Variants in C12orf42 observed in about 807,000 individuals in gnomAD.
The protein encoded by C12orf42 is uncharacterized protein C12orf42.
A neutral mutation model predicts 21.6 loss-of-function variants in C12orf42; 25 were observed. The ratio of observed to expected loss-of-function variants is 1.16; its 90% CI spans 0.84 to 1.62. C12orf42 has a LOEUF of 1.62. Ranked by LOEUF, C12orf42 falls within the 40% of genes most tolerant of loss-of-function variation. The probability of loss-of-function intolerance (pLI) is 0.00; values close to 1 mark genes in which losing one functional copy is unlikely to be tolerated. For missense variants in C12orf42, 483 were observed against 459.3 expected (o/e 1.05, Z -0.47); for synonymous variants, 174 against 175.0 (o/e 0.99, Z 0.05).
chr12:103,476,585 G>A (rs1415851409), intron 2 of C12orf42, among the ~76,000 whole-genome samples: 1 of 152,222 alleles, frequency 6.6e-6, no homozygotes, highest in Non-Finnish European at 1.5e-5. Context: ...AAACCACTTG[G>A]TGGGAATGGA....
At chr12:103,482,136 T>C (rs1199384116) in intron 1 of C12orf42, among the ~76,000 whole-genome samples, 1 of 152,146 alleles carries the variant, frequency 6.6e-6, no homozygotes, top group Non-Finnish European at 1.5e-5. Flanking sequence ...TTTATGCACA[T>C]ACTTATCAAT....
the C12orf42 span, among the ~76,000 whole-genome samples, chr12:103,101,793 G>C: frequency 6.6e-6 from 1 of 152,212 alleles, no homozygotes; most frequent in Admixed American, 6.5e-5. Context: ...GGTTCAACAA[G>C]GTGGTTGTTC....
chr12:103,480,193 TA>T (rs1454942421), intron 1 of C12orf42, among the ~76,000 whole-genome samples: 3 of 151,918 alleles, frequency 2.0e-5, no homozygotes, highest in African/African-American at 7.2e-5. Context: ...TAAATTATTT[TA>T]TTTCCTAGAT....
At chr12:103,540,530 C>T in the C12orf42 span, among the ~76,000 whole-genome samples, 1 of 152,082 alleles carries the variant, frequency 6.6e-6, no homozygotes, top group Admixed American at 6.6e-5. Context: ...CACATTGAGC[C>T]GTTTCTTGTT....
chr12:103,469,294 A>T (rs1279251174), intron 2 of C12orf42, among the ~76,000 whole-genome samples: 7 of 152,230 alleles, frequency 4.6e-5, no homozygotes, highest in African/African-American at 1.7e-4. Context: ...ATGTGTAAAA[A>T]CATACATCAA....
At chr12:103,199,304 T>C in the C12orf42 span, among the ~76,000 whole-genome samples, 22 of 151,970 alleles carry the variant, frequency 1.4e-4, no homozygotes, top group African/African-American at 5.3e-4. Flanking sequence ...GACCTAAAAA[T>C]CAACTCAAAA....
chr12:103,113,652 C>T, the C12orf42 span, among the ~76,000 whole-genome samples: 1 of 152,058 alleles, frequency 6.6e-6, no homozygotes, highest in African/African-American at 2.4e-5. Flanking sequence ...ACCTCCTGAC[C>T]CCACCAACAA....
chr12:103,431,187 C>G (rs947091724), intron 2 of C12orf42: 2 of 152,122 alleles, frequency 1.3e-5, no homozygotes, highest in Non-Finnish European at 2.9e-5. Flanking sequence ...GCTGGAGTCT[C>G]CACAGATAAT....
the C12orf42 span, chr12:103,156,265 A>T: frequency 1.8e-4 from 27 of 152,242 alleles, 1 homozygote; most frequent in Admixed American, 7.9e-4. Context: ...TTATTTATTT[A>T]AAGGCGAAAA....
intron 2 of C12orf42, among the ~76,000 whole-genome samples, chr12:103,406,176 T>G (rs1213640394): frequency 6.6e-6 from 1 of 152,196 alleles, no homozygotes; most frequent in Non-Finnish European, 1.5e-5. Context: ...GCTTCTTACA[T>G]TTTACTGTAC....
At chr12:103,501,105 G>A in the C12orf42 span, among the ~76,000 whole-genome samples, 1 of 152,216 alleles carries the variant, frequency 6.6e-6, no homozygotes, top group Non-Finnish European at 1.5e-5. Context: ...CCTTGAAGTT[G>A]ATAAAGTCAC....
At chr12:103,321,105 A>G (rs1172926671) in intron 4 of C12orf42, among the ~76,000 whole-genome samples, 1 of 152,154 alleles carries the variant, frequency 6.6e-6, no homozygotes, top group Non-Finnish European at 1.5e-5. Flanking sequence ...AAATTTTTGC[A>G]ACCTACTCAT....
chr12:103,382,605 A>G (rs2046279369), intron 3 of C12orf42, among the ~76,000 whole-genome samples: 1 of 152,248 alleles, frequency 6.6e-6, no homozygotes, highest in Admixed American at 6.5e-5. Flanking sequence ...GTTTAAATCA[A>G]CGCACCAAAT....
chr12:103,221,092 G>C, the C12orf42 span, among the ~76,000 whole-genome samples: 2 of 152,148 alleles, frequency 1.3e-5, no homozygotes, highest in African/African-American at 4.8e-5. Context: ...AAACGATTCA[G>C]GAAATACTTG....
chr12:103,388,051 C>A (rs1391692672), intron 3 of C12orf42, among the ~76,000 whole-genome samples: 1 of 152,060 alleles, frequency 6.6e-6, no homozygotes, highest in Non-Finnish European at 1.5e-5. Context: ...GAATTTAAAC[C>A]CAATTATTTC....
chr12:103,551,076 C>A, the C12orf42 span, among the ~76,000 whole-genome samples: 1 of 151,914 alleles, frequency 6.6e-6, no homozygotes, highest in Non-Finnish European at 1.5e-5. Flanking sequence ...ATTTTTATTA[C>A]AGTATGATGT....
intron 4 of C12orf42, among the ~76,000 whole-genome samples, chr12:103,316,466 A>G (rs1024550394): frequency 1.3e-5 from 2 of 152,136 alleles, no homozygotes. Flanking sequence ...TTTTGGGGAA[A>G]GGGAAAATAA....
At chr12:103,066,923 A>C in the C12orf42 span, among the ~76,000 whole-genome samples, 1 of 152,278 alleles carries the variant, frequency 6.6e-6, no homozygotes, top group South Asian at 2.1e-4. Flanking sequence ...AATCACCCCT[A>C]TCATTGCCCA....
intron 10 of C12orf42, among the ~76,000 whole-genome samples, chr12:103,247,567 G>T (rs971023920): frequency 6.6e-6 from 1 of 151,990 alleles, no homozygotes; most frequent in Non-Finnish European, 1.5e-5. Flanking sequence ...ACCCTCTAGT[G>T]CCCAGGAATA....
Sources: gnomAD v4.1 joint callset for allele counts (sites outside exome capture counted in the v4.1 genomes callset) on GRCh38, gnomAD v4.1.1 for gene constraint, MANE v1.5 for transcripts, NCBI Gene and HGNC (gene_info 2026-07-23, HGNC 2026-07-21) for gene names.